NAV1: variants seen among roughly 807,000 people sequenced by gnomAD.
The protein encoded by NAV1 is neuron navigator 1.
A neutral mutation model predicts 175.2 loss-of-function variants in NAV1; 18 were observed. The observed-to-expected ratio is 0.10, with a 90% CI of 0.07 to 0.15. The LOEUF (loss-of-function observed/expected upper bound fraction) is 0.15, where lower values mean the gene tolerates loss of function less well. Ranked by LOEUF, NAV1 falls within the 10% of genes least tolerant of loss-of-function variation. The pLI is 1.00. For synonymous variants in NAV1, 897 were observed against 978.7 expected, an observed-to-expected ratio of 0.92 and a Z score of 1.56; for missense variants, 1,731 against 2,436.6, an observed-to-expected ratio of 0.71 and a Z score of 6.10.
intron 3 of NAV1, among the ~76,000 whole-genome samples, chr1:201,744,341 TATTTATTC>T (rs1673635601): frequency 6.6e-6 from 1 of 151,446 alleles, no homozygotes; most frequent in Admixed American, 6.7e-5. Context: ...TTTATTTATT[TATTTATTC>T]ATTCATTCAT....
chr1:201,625,102 G>A (rs1048189704), intron 1 of NAV1, among the ~76,000 whole-genome samples: 3 of 152,192 alleles, frequency 2.0e-5, no homozygotes, highest in Admixed American at 6.5e-5. Context: ...TGAACACCAC[G>A]TTTTAAAAGG....
chr1:201,697,819 T>C (rs1671252901), intron 1 of NAV1, among the ~76,000 whole-genome samples: 1 of 152,182 alleles, frequency 6.6e-6, no homozygotes. Flanking sequence ...TTTAAAACAA[T>C]GTGTGGAGCA....
chr1:201,604,101 G>A (rs1667601461), intron 2 of NAV1, among the ~76,000 whole-genome samples: 1 of 152,156 alleles, frequency 6.6e-6, no homozygotes, highest in African/African-American at 2.4e-5. Context: ...TTGTCACCAG[G>A]CTGGAGTGCA....
chr1:201,802,180 C>G (rs1403624301), intron 15 of NAV1, among the ~76,000 whole-genome samples: 2 of 145,804 alleles, frequency 1.4e-5, no homozygotes, highest in Admixed American at 7.0e-5. Flanking sequence ...TGGCAGGGGC[C>G]TGTAATCTCA....
At chr1:201,556,893 C>A (rs1345528288) in intron 1 of NAV1, among the ~76,000 whole-genome samples, 1 of 152,208 alleles carries the variant, frequency 6.6e-6, no homozygotes, top group Non-Finnish European at 1.5e-5. Flanking sequence ...CCTGTAAAAA[C>A]AGGGGCTTAA....
chr1:201,721,009 C>T (rs193019324), intron 3 of NAV1, among the ~76,000 whole-genome samples: 3 of 152,150 alleles, frequency 2.0e-5, no homozygotes, highest in South Asian at 2.1e-4. Context: ...TTTATCCCCC[C>T]TCTAACACCC....
intron 1 of NAV1, among the ~76,000 whole-genome samples, chr1:201,583,789 C>T (rs552738376): frequency 1.3e-5 from 2 of 152,312 alleles, no homozygotes; most frequent in South Asian, 4.1e-4. Context: ...CTGGTCAAAA[C>T]TCAAGCCTCA....
intron 1 of NAV1, among the ~76,000 whole-genome samples, chr1:201,688,665 T>A (rs1328073229): frequency 6.6e-6 from 1 of 152,200 alleles, no homozygotes; most frequent in Non-Finnish European, 1.5e-5. Context: ...AAATAATTAT[T>A]CAGGGATTCT....
At chr1:201,666,726 G>T (rs1265150494) in intron 1 of NAV1, among the ~76,000 whole-genome samples, 1 of 152,254 alleles carries the variant, frequency 6.6e-6, no homozygotes, top group East Asian at 1.9e-4. Flanking sequence ...TGAATATTCT[G>T]CCTTTCTCCT....
rs534978332 is a variant in NAV1, at chr1:201,807,108, G to C, written c.3649-845G>C. Among the ~76,000 whole-genome samples, 1 of 151,968 alleles carries C rather than the reference G, an allele frequency of 6.6e-6. No homozygotes were observed. The highest frequency in any genetic ancestry group is 2.1e-4 in the South Asian group (1 of 4,806). The stretch of plus-strand genomic sequence containing the variant: ...GTATGGATGCATGTGGATGGGTATG[G>C]GACAGGACCCTGGTTTGCATCTCTA... On this transcript the variant is annotated intron_variant, in intron 17 of 29. Transcript: ENST00000367296. This position sits in a 1 kb window ranked among gnomAD's most constrained non-coding sequence, Gnocchi z 5.4.
rs1673058967 is a variant in NAV1 at position 201,735,159 on chromosome 1, T to C, written c.1226+16404T>C. Among the ~76,000 whole-genome samples the C allele has an allele frequency of 2.0e-5, 3 of 152,084 alleles. No homozygotes were observed. In the South Asian group the frequency reaches 6.2e-4, roughly 32 times the overall value. ...CCCAGTTCAAACTCTCCCATCTACC[T>C]TCCAAACCTGTCAATCTGAGCCCCA... is the stretch of plus-strand genomic sequence containing the variant. On this transcript the variant is annotated intron_variant, in intron 3 of 29. Transcript: ENST00000367296.
At chr1:201,765,181 A>G (rs1419383189) in intron 3 of NAV1, among the ~76,000 whole-genome samples, 1 of 152,098 alleles carries the variant, frequency 6.6e-6, no homozygotes, top group Non-Finnish European at 1.5e-5. Flanking sequence ...ATATTCTTGG[A>G]GGTGCCATGT....
At chr1:201,546,388 G>A (rs976552499) in intron 1 of NAV1, among the ~76,000 whole-genome samples, 1 of 152,200 alleles carries the variant, frequency 6.6e-6, no homozygotes, top group Admixed American at 6.5e-5. Flanking sequence ...CAGGGCCCAT[G>A]CGCAGTTCCC....
intron 2 of NAV1, among the ~76,000 whole-genome samples, chr1:201,641,451 G>A (rs1249775843): frequency 6.6e-6 from 1 of 152,186 alleles, no homozygotes; most frequent in Non-Finnish European, 1.5e-5. Context: ...CATCTCACTG[G>A]AAGTAAAGCT....
intron 1 of NAV1, among the ~76,000 whole-genome samples, chr1:201,573,866 G>A (rs1246668979): frequency 2.0e-5 from 3 of 152,016 alleles, no homozygotes; most frequent in Admixed American, 6.6e-5. Context: ...TCCCAACCTG[G>A]GCAACATAGA....
intron 2 of NAV1, among the ~76,000 whole-genome samples, chr1:201,593,712 G>A (rs973380726): frequency 2.0e-5 from 3 of 152,186 alleles, no homozygotes; most frequent in African/African-American, 4.8e-5. Context: ...GGGCAGTTTA[G>A]CATGTGTCTG....
chr1:201,744,812 G>A (rs145308109), intron 3 of NAV1, among the ~76,000 whole-genome samples: 2 of 152,292 alleles, frequency 1.3e-5, no homozygotes, highest in East Asian at 1.9e-4. Context: ...CAACTTCTCT[G>A]CCTAGACCCA....
intron 2 of NAV1, among the ~76,000 whole-genome samples, chr1:201,605,993 G>A (rs1667664264): frequency 6.6e-6 from 1 of 152,182 alleles, no homozygotes; most frequent in African/African-American, 2.4e-5. Context: ...TGGGAAAGAA[G>A]TCCAGACCAT....
chr1:201,562,289 G>T (rs1411836914), intron 1 of NAV1, among the ~76,000 whole-genome samples: 1 of 151,744 alleles, frequency 6.6e-6, no homozygotes, highest in Non-Finnish European at 1.5e-5. Context: ...AAAAGTGCTG[G>T]AATTACAGGC....
Sources: allele counts gnomAD v4.1 joint callset (sites outside exome capture counted in the v4.1 genomes callset), GRCh38; gene constraint gnomAD v4.1.1; non-coding constraint Gnocchi (gnomAD v3.1); transcripts MANE v1.5; gene names NCBI Gene and HGNC (gene_info 2026-07-23, HGNC 2026-07-21).